The following DIP2C variants were observed in gnomAD, a reference collection of about 807,000 sequenced individuals.
The protein encoded by DIP2C is disco-interacting protein 2 homolog C.
In DIP2C, 33 loss-of-function variants were observed where a neutral mutation model predicts 192.4. That is an observed-to-expected ratio of 0.17 (90% CI 0.13 to 0.23). The LOEUF is 0.23. Among genes scored for constraint, DIP2C ranks in the 10% least tolerant of loss-of-function variants. The pLI is 1.00. For synonymous variants in DIP2C, 979 were observed against 864.1 expected (o/e 1.13, Z -2.33); for missense variants, 1,537 against 2,110.1 (o/e 0.73, Z 5.32).
intron 6 of DIP2C, among the ~76,000 whole-genome samples, chr10:417,820 G>C (rs1424834664): frequency 1.1e-5 from 1 of 91,890 alleles, no homozygotes; most frequent in Non-Finnish European, 2.1e-5. Flanking sequence ...TCCTGTCAGG[G>C]CGCGGACAGG....
intron 1 of DIP2C, among the ~76,000 whole-genome samples, chr10:641,052 C>A (rs1396256683): frequency 2.0e-5 from 3 of 151,824 alleles, no homozygotes; most frequent in African/African-American, 7.3e-5. Context: ...GCATCTGGCA[C>A]ATTGAGACTT....
chr10:547,338 G>A (rs2130927702), intron 1 of DIP2C, among the ~76,000 whole-genome samples: 1 of 152,332 alleles, frequency 6.6e-6, no homozygotes, highest in Admixed American at 6.5e-5. Flanking sequence ...GGCCCAGCGA[G>A]CACTTCTGCT....
intron 2 of DIP2C, among the ~76,000 whole-genome samples, chr10:479,328 C>CT (rs766379689): frequency 0.32 from 27,991 of 88,294 alleles, 5,561 homozygotes; most frequent in Non-Finnish European, 0.4. Context: ...TCTCACACTG[C>CT]TTTTTTTTTT....
rs780160530 is a variant in DIP2C, at chr10:414,020, G to A, written c.950C>T (p.Pro317Leu). The change falls in exon 8 of 37, where the codon CCG (proline) becomes CTG (leucine). Residue 317 changes from proline (P) to leucine (L), a missense_variant. This residue lies in a region of DIP2C where 473 missense variants were observed against 539.6 expected (regional missense o/e 0.88). Transcript: ENST00000280886. ...CTGCAGTGCGGCCTCCAGCGACGGC[G>A]GCCAGTTCGTGACCACGCCCAGCTG... ...GEQLGVVTNW[P>L]PSLEAALQRW... The A allele has an allele frequency of 3.5e-5, 56 of 1,614,132 alleles. No individual in the cohort carries two copies. The highest frequency in any genetic ancestry group is 3.9e-5 in the Non-Finnish European group (46 of 1,180,008).
Position 573,012 on chromosome 10 carries a change from A to G in DIP2C, c.86-86482T>C, listed in dbSNP as rs1464478245. Among the ~76,000 whole-genome samples, 28 of 152,030 alleles carry G rather than the reference A, an allele frequency of 1.8e-4. 1 individual carries two copies. The highest frequency in any genetic ancestry group is 1.8e-3 in the Admixed American group (28 of 15,274). ...CTGCGGACTGAGGCAGTAAATAAAC[A>G]TGTTTTCAGCAAATAGCATCATCCA... On this transcript the variant is annotated intron_variant, in intron 1 of 36. Transcript: ENST00000280886.
At chr10:336,384 A>G (rs766362477) in intron 29 of DIP2C, among the ~76,000 whole-genome samples, 2 of 152,120 alleles carry the variant, frequency 1.3e-5, no homozygotes, top group Non-Finnish European at 2.9e-5. Flanking sequence ...GTCTAAACAA[A>G]CCTGTGCTGC....
At chr10:650,912 GGT>G in intron 1 of DIP2C, 1 of 716,102 alleles carries the variant, frequency 1.4e-6, no homozygotes. Context: ...GGAAGCTGAG[GGT>G]GTGTCCATGC....
rs1418649314 is a variant in DIP2C, at chr10:347,530, C to G, written c.3231+1111G>C. 2.4e-5 allele frequency among the ~76,000 whole-genome samples: 3 copies of G among 126,702 alleles called. 1 individual carries two copies. Among genetic ancestry groups the G allele is most frequent in the Non-Finnish European group, 3.3e-5 (2 of 60,988 alleles). The allele number at this position is 126,702 out of a possible 152,430, so 83.1% of individuals were successfully genotyped here. The stretch of plus-strand genomic sequence containing the variant: ...AGTTCTCCCGGAAACCCCACACGCA[C>G]CCAACCCAGACACATCGCGCATAGC... On this transcript the variant is annotated intron_variant, in intron 26 of 36. Coordinates refer to ENST00000280886, the MANE Select transcript of DIP2C (RefSeq NM_014974.3).
intron 1 of DIP2C, among the ~76,000 whole-genome samples, chr10:569,693 C>CT (rs1849664681): frequency 6.6e-6 from 1 of 152,130 alleles, no homozygotes; most frequent in Non-Finnish European, 1.5e-5. Context: ...GGAGAGACTT[C>CT]TTACTGCAGG....
intron 1 of DIP2C, among the ~76,000 whole-genome samples, chr10:491,855 T>C (rs971892123): frequency 1.3e-5 from 2 of 152,280 alleles, no homozygotes; most frequent in African/African-American, 4.8e-5. Flanking sequence ...CTGTGCACCC[T>C]GCAGGGCCAC....
In DIP2C at chr10:687,734, G is replaced by C. The variant is rs1303213910; in HGVS notation, c.85+1760C>G. 3.3e-5 allele frequency among the ~76,000 whole-genome samples: 5 copies of C among 152,204 alleles called. 1 individual carries two copies. Among genetic ancestry groups the C allele is most frequent in the African/African-American group, 1.2e-4 (5 of 41,432 alleles). On this transcript the variant is annotated intron_variant, in intron 1 of 36. Transcript: ENST00000280886. ...CTCACCCTCCAAGAGCAACTGACAGGCAAGTGTCGTCACCTCAAAAGGCCA... is the reference window on the plus strand; with the variant it reads ...CTCACCCTCCAAGAGCAACTGACAGCCAAGTGTCGTCACCTCAAAAGGCCA...
intron 3 of DIP2C, among the ~76,000 whole-genome samples, chr10:467,957 A>AT (rs557899345): frequency 6.2e-4 from 94 of 152,266 alleles, no homozygotes; most frequent in African/African-American, 1.7e-3. Context: ...TATAATAAAA[A>AT]ATATATATAA....
intron 1 of DIP2C, among the ~76,000 whole-genome samples, chr10:577,038 C>T (rs1042687457): frequency 6.6e-6 from 1 of 152,184 alleles, no homozygotes; most frequent in African/African-American, 2.4e-5. Flanking sequence ...TCGTTACAAT[C>T]TTGTATATCT....
intron 3 of DIP2C, among the ~76,000 whole-genome samples, chr10:461,333 A>G (rs1037156946): frequency 1.3e-5 from 2 of 152,238 alleles, no homozygotes; most frequent in African/African-American, 4.8e-5. Context: ...ACATAGGCTC[A>G]AAATAAAGGA....
At chr10:581,516 G>A (rs1013219510) in intron 1 of DIP2C, among the ~76,000 whole-genome samples, 11 of 152,234 alleles carry the variant, frequency 7.2e-5, no homozygotes, top group African/African-American at 2.4e-4. Flanking sequence ...AAAGCCTCTA[G>A]AAAAAGAAAA....
intron 29 of DIP2C, among the ~76,000 whole-genome samples, chr10:331,531 T>C (rs893288037): frequency 1.3e-5 from 2 of 152,254 alleles, no homozygotes; most frequent in African/African-American, 4.8e-5. Flanking sequence ...TTCTTATCAT[T>C]AGTGACTAAA....
chr10:364,542 T>C lies in DIP2C; in HGVS notation c.2309A>G (p.Tyr770Cys). The C allele has an allele frequency of 6.2e-7, 1 of 1,614,144 alleles. No homozygotes were observed. ...MTSSGAPISEYPFIRTGLLGF... is the reference protein window; with the variant it reads ...MTSSGAPISECPFIRTGLLGF... ...CAGCAAGCCTGTCCTTATGAATGGGTATTCACTGATCGGAGCCCCGGAGCT... is the reference window on the plus strand; with the variant it reads ...CAGCAAGCCTGTCCTTATGAATGGGCATTCACTGATCGGAGCCCCGGAGCT... The change falls in exon 20 of 37, where the codon TAC (tyrosine) becomes TGC (cysteine). Residue 770 changes from tyrosine to cysteine, a missense_variant. Physicochemically the swap from Tyr to Cys is radical, Grantham distance 194 (BLOSUM62 -2). This residue lies in a region of DIP2C where 677 missense variants were observed against 989.9 expected (regional missense o/e 0.68). Transcript: ENST00000280886.
chr10:600,586 G>A (rs1168257469), intron 1 of DIP2C, among the ~76,000 whole-genome samples: 1 of 102,644 alleles, frequency 9.7e-6, no homozygotes, highest in African/African-American at 6.7e-5. Context: ...CGACCCCACA[G>A]CAGCCCTCTC....
chr10:531,028 G>A (rs994151527), intron 1 of DIP2C, among the ~76,000 whole-genome samples: 5 of 151,772 alleles, frequency 3.3e-5, no homozygotes, highest in Admixed American at 2.0e-4. Context: ...ATCCTTTCCC[G>A]CCAAAAGCTG....
Sources: gnomAD v4.1 joint callset for allele counts (sites outside exome capture counted in the v4.1 genomes callset) on GRCh38, gnomAD v4.1.1 for gene constraint, gnomAD v4.1.1 regional missense constraint, MANE v1.5 for transcripts, NCBI Gene and HGNC (gene_info 2026-07-23, HGNC 2026-07-21) for gene names.